Variants in PHLPP1 observed in about 807,000 individuals in gnomAD.
The protein encoded by PHLPP1 is PH domain leucine-rich repeat-containing protein phosphatase 1.
A neutral mutation model predicts 117.2 loss-of-function variants in PHLPP1; 42 were observed. The observed-to-expected ratio is 0.36, with a 90% CI of 0.28 to 0.46. The LOEUF is 0.46. Among genes scored for constraint, PHLPP1 ranks in the 20% least tolerant of loss-of-function variants. The pLI, the probability that PHLPP1 is intolerant of heterozygous loss-of-function variation, is 1.00. For synonymous variants in PHLPP1, 1,042 were observed against 970.7 expected (o/e 1.07, Z -1.37); for missense variants, 2,084 against 2,241.9 (o/e 0.93, Z 1.42).
intron 1 of PHLPP1, among the ~76,000 whole-genome samples, chr18:62,799,448 A>G (rs761197083): frequency 5.3e-5 from 8 of 152,170 alleles, no homozygotes; most frequent in Non-Finnish European, 1.0e-4. Flanking sequence ...CAGACATACT[A>G]TTTAGAAAAT....
intron 3 of PHLPP1, among the ~76,000 whole-genome samples, chr18:62,844,733 G>T (rs1915138625): frequency 6.6e-6 from 1 of 152,196 alleles, no homozygotes; most frequent in African/African-American, 2.4e-5. Flanking sequence ...TTCAGATAAA[G>T]ATTAGAGGGT....
intron 14 of PHLPP1, among the ~76,000 whole-genome samples, chr18:62,967,730 G>T (rs546992): frequency 0.47 from 71,466 of 151,268 alleles, 18,207 homozygotes; most frequent in African/African-American, 0.66. Flanking sequence ...TCTTCTTCAG[G>T]CTGTTGATGT....
chr18:62,742,145 G>T (rs755556159), intron 1 of PHLPP1, among the ~76,000 whole-genome samples: 1 of 152,100 alleles, frequency 6.6e-6, no homozygotes, highest in Admixed American at 6.5e-5. Context: ...TCAAGGACAG[G>T]TGCCATGACT....
At chr18:62,806,772 C>T (rs1913963940) in intron 1 of PHLPP1, among the ~76,000 whole-genome samples, 1 of 152,026 alleles carries the variant, frequency 6.6e-6, no homozygotes, top group African/African-American at 2.4e-5. Context: ...GGAACTTTGT[C>T]TCAGATAGTA....
At chr18:62,912,204 A>G (rs958721357) in intron 8 of PHLPP1, among the ~76,000 whole-genome samples, 1 of 148,668 alleles carries the variant, frequency 6.7e-6, no homozygotes, top group Non-Finnish European at 1.5e-5. Flanking sequence ...CTAATGCTAG[A>G]TGACACGTTA....
At chr18:62,848,113 T>G (rs1275583009) in intron 3 of PHLPP1, among the ~76,000 whole-genome samples, 1 of 152,210 alleles carries the variant, frequency 6.6e-6, no homozygotes, top group Non-Finnish European at 1.5e-5. Flanking sequence ...TCTGATTTGT[T>G]GACATCCTTG....
intron 1 of PHLPP1, among the ~76,000 whole-genome samples, chr18:62,789,028 T>A (rs959734026): frequency 6.6e-6 from 1 of 152,180 alleles, no homozygotes; most frequent in Non-Finnish European, 1.5e-5. Flanking sequence ...CTTAATGTTG[T>A]GGCAGGGAAG....
intron 16 of PHLPP1, among the ~76,000 whole-genome samples, chr18:62,975,928 C>G (rs565379168): frequency 6.6e-6 from 1 of 152,210 alleles, no homozygotes; most frequent in Non-Finnish European, 1.5e-5. Context: ...TGACATCACA[C>G]TGCTAGTTTT....
intron 1 of PHLPP1, among the ~76,000 whole-genome samples, 189 bp from the exon 2 acceptor site, chr18:62,829,846 G>A (rs1160362118): frequency 6.6e-6 from 1 of 152,180 alleles, no homozygotes; most frequent in Admixed American, 6.5e-5. Flanking sequence ...ATTGTTACGT[G>A]TACATGTGGA....
intron 12 of PHLPP1, among the ~76,000 whole-genome samples, chr18:62,946,795 G>A (rs1910300578): frequency 2.6e-5 from 4 of 152,042 alleles, no homozygotes; most frequent in Admixed American, 1.3e-4. Flanking sequence ...GGCTCACGCC[G>A]GTAATCCCAG....
intron 4 of PHLPP1, among the ~76,000 whole-genome samples, chr18:62,877,118 T>C (rs540128): frequency 0.59 from 90,357 of 151,964 alleles, 27,241 homozygotes; most frequent in African/African-American, 0.62. Flanking sequence ...CATTTTTGGT[T>C]CCCTTGGAGT....
intron 1 of PHLPP1, among the ~76,000 whole-genome samples, chr18:62,803,322 T>G (rs745472985): frequency 4.6e-5 from 7 of 152,208 alleles, no homozygotes; most frequent in Non-Finnish European, 8.8e-5. Context: ...TGGTTACTAC[T>G]GAGCTCAAAA....
chr18:62,820,243 A>ATAGCAAAACATTTCAATGTCTTTCT (rs1384836787), intron 1 of PHLPP1, among the ~76,000 whole-genome samples: 1 of 152,256 alleles, frequency 6.6e-6, no homozygotes, highest in African/African-American at 2.4e-5. Flanking sequence ...ATCCACAATT[A>ATAGCAAAACATTTCAATGTCTTTCT]TAGCAAAACA....
chr18:62,958,535 C>A, intron 12 of PHLPP1, 94 bp from the exon 13 acceptor site: 2 of 1,214,100 alleles, frequency 1.6e-6, no homozygotes, highest in Non-Finnish European at 2.4e-6. Flanking sequence ...AATGAATGGT[C>A]AGACTGATTT....
At position 62,871,748 on chromosome 18, in the gene PHLPP1, G is replaced by T. The variant is rs559021598; in HGVS notation, c.2066+11147G>T. On this transcript the variant is annotated intron_variant, in intron 4 of 16. Transcript: ENST00000262719. ...CAGCCTCCATCTCCCAGACTTAGGC[G>T]ATTCTCCTGCCTCAGCCTCCTGAGT... Among the ~76,000 whole-genome samples the T allele has an allele frequency of 6.0e-5, 9 of 149,956 alleles. No individual in the cohort carries two copies. In the East Asian group the frequency reaches 1.6e-3, roughly 26 times the overall value.
chr18:62,921,905 C>T (rs1042240630), intron 10 of PHLPP1, among the ~76,000 whole-genome samples: 2 of 152,138 alleles, frequency 1.3e-5, no homozygotes, highest in African/African-American at 2.4e-5. Flanking sequence ...TTTTTCCTTT[C>T]GTTCTGTTTT....
intron 16 of PHLPP1, among the ~76,000 whole-genome samples, chr18:62,976,935 G>C (rs2144494459): frequency 6.6e-6 from 1 of 152,318 alleles, no homozygotes; most frequent in Admixed American, 6.5e-5. Flanking sequence ...ATTAGCGAAT[G>C]GAGCAGAACT....
At chr18:62,941,694 T>C in intron 10 of PHLPP1, 24 bp from the exon 11 acceptor site, 1 of 1,587,474 alleles carries the variant, frequency 6.3e-7, no homozygotes, top group Non-Finnish European at 8.6e-7. Flanking sequence ...TTCAATGGCA[T>C]TTTGTTGCGT....
intron 1 of PHLPP1, among the ~76,000 whole-genome samples, chr18:62,722,169 G>A (rs766811785): frequency 6.6e-6 from 1 of 152,094 alleles, no homozygotes; most frequent in African/African-American, 2.4e-5. Flanking sequence ...AGTGAACTCT[G>A]GATTTTGAGA....
Sources: allele counts gnomAD v4.1 joint callset (sites outside exome capture counted in the v4.1 genomes callset), GRCh38; gene constraint gnomAD v4.1.1; transcripts MANE v1.5; gene names NCBI Gene and HGNC (gene_info 2026-07-23, HGNC 2026-07-21).